VMP1: variants seen among roughly 807,000 people sequenced by gnomAD.
The protein encoded by VMP1 is ectopic P-granules autophagy protein 3 homolog.
Under a neutral mutation model 56.0 loss-of-function variants are expected in VMP1, and 11 were observed. The observed-to-expected ratio is 0.20, with a 90% CI of 0.12 to 0.32. The LOEUF is 0.32. Ranked by LOEUF, VMP1 falls within the 10% of genes least tolerant of loss-of-function variation. The pLI, the probability that VMP1 is intolerant of heterozygous loss-of-function variation, is 1.00. For missense variants in VMP1, 296 were observed against 490.3 expected (o/e 0.60, Z 3.74); for synonymous variants, 149 against 165.0 (o/e 0.90, Z 0.74).
chr17:59,814,385 G>C (rs2038158415), intron 9 of VMP1, among the ~76,000 whole-genome samples: 1 of 152,194 alleles, frequency 6.6e-6, no homozygotes, highest in South Asian at 2.1e-4. Context: ...GTAATTCTCA[G>C]AGGTAGGGAG....
Position 59,842,034 on chromosome 17 carries a change from G to A in VMP1, c.*2123G>A, listed in dbSNP as rs530151108. The A allele has an allele frequency of 1.3e-5, 2 of 152,260 alleles. No homozygotes were observed. Among genetic ancestry groups the A allele is most frequent in the African/African-American group, 4.8e-5 (2 of 41,550 alleles). 9.4% of individuals were successfully genotyped at this position (152,260 alleles called of 1,614,324 possible). ...GTGTTCAGCTGTGGCATGCTCAGAG[G>A]TTCCTGCTGGATTCCAGCTGGAGCG... On this transcript the variant is annotated 3_prime_UTR_variant, in exon 12 of 12. Coordinates refer to ENST00000262291, the MANE Select transcript of VMP1 (RefSeq NM_030938.5).
intron 7 of VMP1, among the ~76,000 whole-genome samples, chr17:59,796,636 T>G (rs2037447631): frequency 6.6e-6 from 1 of 152,206 alleles, no homozygotes; most frequent in Admixed American, 6.5e-5. Context: ...GGAAGTAACT[T>G]TCAAAATGTT....
intron 1 of VMP1, 190 bp downstream of exon 1, chr17:59,707,938 A>T (rs957748921): frequency 1.3e-5 from 2 of 152,176 alleles, no homozygotes; most frequent in African/African-American, 4.8e-5. Context: ...TAGCCAGGTT[A>T]TTTGGGACAC....
chr17:59,784,374 T>A (rs1173989352), intron 7 of VMP1, among the ~76,000 whole-genome samples: 3 of 152,152 alleles, frequency 2.0e-5, no homozygotes, highest in Non-Finnish European at 4.4e-5. Context: ...ATTTATGTGC[T>A]GCTGGCTTCT....
chr17:59,731,277 G>T, intron 1 of VMP1, 144 bp from the exon 2 acceptor site: 1 of 404,842 alleles, frequency 2.5e-6, no homozygotes, highest in Non-Finnish European at 4.4e-6. Flanking sequence ...TCAAATTTTG[G>T]TTATAAAAGA....
chr17:59,736,966 G>A (rs547618180), intron 3 of VMP1, among the ~76,000 whole-genome samples: 85 of 151,610 alleles, frequency 5.6e-4, no homozygotes, highest in African/African-American at 1.9e-3. Flanking sequence ...GCTTGAACCC[G>A]GGAGGTGGAG....
chr17:59,819,275 A>G (rs1228408170), intron 10 of VMP1, among the ~76,000 whole-genome samples: 1 of 152,190 alleles, frequency 6.6e-6, no homozygotes, highest in Non-Finnish European at 1.5e-5. Context: ...ACATAAAGAC[A>G]AAAAATATTC....
intron 6 of VMP1, among the ~76,000 whole-genome samples, chr17:59,767,930 G>A (rs1359479323): frequency 6.6e-6 from 1 of 151,760 alleles, no homozygotes; most frequent in East Asian, 1.9e-4. Context: ...CCAACATGGT[G>A]AAACCCCATC....
At chr17:59,739,042 A>C in intron 5 of VMP1, 95 bp downstream of exon 5, 1 of 983,894 alleles carries the variant, frequency 1.0e-6, no homozygotes, top group Non-Finnish European at 1.5e-6. Flanking sequence ...GATTTGTTTT[A>C]ATTACCTTTG....
chr17:59,746,256 C>T (rs753631886), intron 5 of VMP1, among the ~76,000 whole-genome samples: 20 of 152,156 alleles, frequency 1.3e-4, no homozygotes, highest in African/African-American at 2.7e-4. Context: ...CTGCAACCAC[C>T]GCCTCCCGGG....
chr17:59,809,437 C>A (rs2037970707), intron 8 of VMP1, among the ~76,000 whole-genome samples: 1 of 148,688 alleles, frequency 6.7e-6, no homozygotes. Context: ...CTGCCTCAGC[C>A]TCCCAAAGTA....
At chr17:59,724,213 A>G (rs1218870380) in intron 1 of VMP1, among the ~76,000 whole-genome samples, 1 of 135,608 alleles carries the variant, frequency 7.4e-6, no homozygotes, top group African/African-American at 2.8e-5. Context: ...CCCTGTCTCA[A>G]AAAAAAAAAA....
intron 8 of VMP1, among the ~76,000 whole-genome samples, chr17:59,810,373 C>T (rs536535626): frequency 2.0e-5 from 3 of 152,170 alleles, no homozygotes; most frequent in South Asian, 4.1e-4. Flanking sequence ...AGGCTGGTCT[C>T]GAACTCCTGA....
At chr17:59,720,920 C>T (rs1305821043) in intron 1 of VMP1, among the ~76,000 whole-genome samples, 1 of 151,916 alleles carries the variant, frequency 6.6e-6, no homozygotes, top group Non-Finnish European at 1.5e-5. Flanking sequence ...TTGCGGTGAG[C>T]CGAGATTGTG....
chr17:59,721,884 C>T (rs564839948), intron 1 of VMP1, among the ~76,000 whole-genome samples: 1 of 152,234 alleles, frequency 6.6e-6, no homozygotes, highest in African/African-American at 2.4e-5. Flanking sequence ...TGTTTTTCTC[C>T]CAGTTTTGTA....
chr17:59,735,509 C>A, intron 3 of VMP1, 36 bp downstream of exon 3: 1 of 1,602,100 alleles, frequency 6.2e-7, no homozygotes, highest in Non-Finnish European at 8.5e-7. Flanking sequence ...TTACATACAC[C>A]TCATTTACTC....
At chr17:59,805,585 C>T (rs1403731090) in intron 7 of VMP1, among the ~76,000 whole-genome samples, 1 of 150,416 alleles carries the variant, frequency 6.6e-6, no homozygotes, top group Non-Finnish European at 1.5e-5. Flanking sequence ...CAATCTTAGT[C>T]ACTTGGTTTA....
chr17:59,788,217 G>A lies in VMP1; in HGVS notation c.714+14332G>A, dbSNP rs992741550. Among the ~76,000 whole-genome samples, 6 of 152,202 alleles carry A rather than the reference G, an allele frequency of 3.9e-5. 1 individual carries two copies. The South Asian group carries it at 8.3e-4, about 21-fold the overall frequency. On this transcript the variant is annotated intron_variant, in intron 7 of 11. Transcript: ENST00000262291. ...TAGAAAATAGTTTTGGGCTTGGCGC[G>A]TTGGCTCAGGCCTGTAATCCCAGCA...
At chr17:59,760,337 C>T (rs973725968) in intron 5 of VMP1, among the ~76,000 whole-genome samples, 2 of 151,932 alleles carry the variant, frequency 1.3e-5, no homozygotes, top group African/African-American at 2.4e-5. Flanking sequence ...CCTCATATGT[C>T]GTAAATCCAC....
Sources: allele counts gnomAD v4.1 joint callset (sites outside exome capture counted in the v4.1 genomes callset), GRCh38; gene constraint gnomAD v4.1.1; transcripts MANE v1.5; gene names NCBI Gene and HGNC (gene_info 2026-07-23, HGNC 2026-07-21).